The following ORC1 variants were observed in gnomAD, a reference collection of about 807,000 sequenced individuals.
The protein encoded by ORC1 is origin recognition complex, subunit 1 homolog.
A neutral mutation model predicts 98.9 loss-of-function variants in ORC1; 61 were observed. The observed-to-expected ratio is 0.62, with a 90% CI of 0.50 to 0.76. ORC1 has a LOEUF of 0.76. Among genes scored for constraint, ORC1 ranks in the 30% least tolerant of loss-of-function variants. The pLI is 0.00. For synonymous variants in ORC1, 385 were observed against 406.9 expected, an observed-to-expected ratio of 0.95 and a Z score of 0.65; for missense variants, 979 against 1,072.2, an observed-to-expected ratio of 0.91 and a Z score of 1.21.
chr1:52,373,930 C>T (rs771363499), intron 16 of ORC1, among the ~76,000 whole-genome samples: 2 of 152,170 alleles, frequency 1.3e-5, no homozygotes, highest in Non-Finnish European at 2.9e-5. Flanking sequence ...TAGATTCCTA[C>T]CCTAACGTTC....
At chr1:52,388,383 G>T in intron 8 of ORC1, 59 bp downstream of exon 8, 1 of 1,394,376 alleles carries the variant, frequency 7.2e-7, no homozygotes, top group East Asian at 2.3e-5. Flanking sequence ...TTCAGCATTT[G>T]TAACTTTTAA....
upstream of ORC1, chr1:52,404,956 G>A (rs959680371): frequency 8.4e-6 from 13 of 1,552,378 alleles, no homozygotes; most frequent in South Asian, 5.9e-5. Flanking sequence ...TAGGACTAGC[G>A]ACTGGCCTCT....
intron 11 of ORC1, among the ~76,000 whole-genome samples, chr1:52,384,218 T>C (rs964222964): frequency 6.6e-5 from 10 of 152,212 alleles, no homozygotes; most frequent in African/African-American, 2.4e-4. Flanking sequence ...TGTTACCTGC[T>C]CCAAAATAAC....
chr1:52,390,371 C>T (rs900081039), intron 6 of ORC1, among the ~76,000 whole-genome samples: 1 of 152,142 alleles, frequency 6.6e-6, no homozygotes, highest in African/African-American at 2.4e-5. Flanking sequence ...TGGAACAGAA[C>T]GGAGAACCCA....
chr1:52,408,839 A>G (rs1159603539), upstream of ORC1: 3 of 990,046 alleles, frequency 3.0e-6, no homozygotes, highest in East Asian at 8.0e-5. Context: ...CTTGTCCCTC[A>G]TGGGAGTTTT....
intron 14 of ORC1, among the ~76,000 whole-genome samples, chr1:52,376,638 T>C (rs976618467): frequency 2.6e-5 from 4 of 151,998 alleles, no homozygotes; most frequent in African/African-American, 9.7e-5. Flanking sequence ...TCTCCTCCCC[T>C]CCCATTACCA....
intron 16 of ORC1, 48 bp downstream of exon 16, chr1:52,374,762 A>G (rs1221107604): frequency 1.3e-5 from 17 of 1,289,692 alleles, no homozygotes; most frequent in Non-Finnish European, 1.9e-5. Flanking sequence ...TGTATTTTAA[A>G]AGCGTAAGTC....
intron 6 of ORC1, among the ~76,000 whole-genome samples, chr1:52,391,446 A>T (rs932851047): frequency 6.6e-6 from 1 of 152,212 alleles, no homozygotes; most frequent in Non-Finnish European, 1.5e-5. Context: ...GGACCTAATG[A>T]TACTAAAAAG....
At position 52,383,551 on chromosome 1, in the gene ORC1, G is replaced by A. The variant is rs779245421; in HGVS notation, c.1882C>T (p.His628Tyr). 1.7e-5 allele frequency: 28 copies of A among 1,613,964 alleles called. No homozygotes were observed. Among genetic ancestry groups the A allele is most frequent in the Non-Finnish European group, 2.1e-5 (25 of 1,180,048 alleles). Residue 628 changes from histidine (H) to tyrosine (Y), a missense_variant, in exon 13 of 17, where the codon CAC becomes TAC. Transcript: ENST00000371568. ...AGATTGTACATTATGTCTTGTTTGTGAGTCCACAGAAGGTCGAGCTGCCAG... is the reference window on the plus strand; with the variant it reads ...AGATTGTACATTATGTCTTGTTTGTAAGTCCACAGAAGGTCGAGCTGCCAG... The part of the protein sequence containing the change: ...LVDELDLLWT[H>Y]KQDIMYNLFD...
chr1:52,383,362 C>T (rs1647097321), intron 13 of ORC1, 58 bp downstream of exon 13: 1 of 1,606,788 alleles, frequency 6.2e-7, no homozygotes, highest in Non-Finnish European at 8.5e-7. Flanking sequence ...TTTTGCAGAA[C>T]TTCTTGGCCA....
Position 52,373,102 on chromosome 1 carries a change from A to AGCC in ORC1, c.*76_*78dup. 6.9e-7 allele frequency: 1 copy of AGCC among 1,458,410 alleles called. No homozygotes were observed. Among genetic ancestry groups the AGCC allele is most frequent in the Non-Finnish European group, 9.6e-7 (1 of 1,041,202 alleles). The allele number at this position is 1,458,410 out of a possible 1,614,324, so 90.3% of individuals were successfully genotyped here. A position where few individuals can be genotyped will look rare whatever the true frequency, so the allele number is the denominator to read the frequency against. ...AGCCATGATCGTGCCACTGCACTCC[A>AGCC]GCCTGGGCGACAGAGCAAGACCCTG... On this transcript the variant is annotated 3_prime_UTR_variant, in exon 17 of 17. Coordinates refer to ENST00000371568, the MANE Select transcript of ORC1 (RefSeq NM_004153.4).
Position 52,376,949 on chromosome 1 carries a change from G to A in ORC1, c.2134-1350C>T, listed in dbSNP as rs866379776. On this transcript the variant is annotated intron_variant, in intron 14 of 16. Coordinates refer to ENST00000371568, the MANE Select transcript of ORC1 (RefSeq NM_004153.4). ...GTGAGTGAGACCCATCACGCAGAACGGATGGCAGGAAAAACGGCCTACTTG... is the reference window on the plus strand; with the variant it reads ...GTGAGTGAGACCCATCACGCAGAACAGATGGCAGGAAAAACGGCCTACTTG... Among the ~76,000 whole-genome samples the A allele has an allele frequency of 1.2e-4, 19 of 152,298 alleles. No homozygotes were observed. The East Asian group carries it at 1.9e-3, about 16-fold the overall frequency.
intron 3 of ORC1, 36 bp downstream of exon 3, chr1:52,401,326 A>G: frequency 6.2e-7 from 1 of 1,612,894 alleles, no homozygotes. Context: ...ATCATTCATG[A>G]CAAGGAATGG....
At chr1:52,377,701 A>C (rs1362740847) in intron 14 of ORC1, among the ~76,000 whole-genome samples, 1 of 139,016 alleles carries the variant, frequency 7.2e-6, no homozygotes, top group Non-Finnish European at 1.5e-5. Flanking sequence ...TGCCCCTAGA[A>C]GCAAAAAAAA....
upstream of ORC1, chr1:52,404,568 A>T: frequency 2.1e-5 from 12 of 569,810 alleles, no homozygotes; most frequent in South Asian, 2.6e-4. Flanking sequence ...GCCATCATTG[A>T]TTCGATAGGC....
In ORC1 at chr1:52,373,221, A is replaced by G. The variant is rs1167577975; in HGVS notation, c.2546T>C (p.Val849Ala). 2 of 1,614,072 alleles carry G rather than the reference A, an allele frequency of 1.2e-6. No homozygotes were observed. Among genetic ancestry groups the G allele is most frequent in the East Asian group, 2.2e-5 (1 of 44,894 alleles). Residue 849 changes from valine to alanine, a missense_variant, in exon 17 of 17, where the codon GTC becomes GCC. Coordinates refer to ENST00000371568, the MANE Select transcript of ORC1 (RefSeq NM_004153.4). ...CGCATACAGCACATCATCCTGGCTGACGTTGAGCCGCACCCGAAGGAGCAG... is the reference window on the plus strand; with the variant it reads ...CGCATACAGCACATCATCCTGGCTGGCGTTGAGCCGCACCCGAAGGAGCAG... ...NDLLLRVRLN[V>A]SQDDVLYALK...
chr1:52,397,922 C>T (rs758864405), intron 3 of ORC1, 59 bp from the exon 4 acceptor site: 5 of 1,460,582 alleles, frequency 3.4e-6, no homozygotes, highest in Non-Finnish European at 4.8e-6. Flanking sequence ...CTTTACTGAG[C>T]AATTCCTATG....
Position 52,385,227 on chromosome 1 carries a change from C to A in ORC1, c.1517G>T (p.Cys506Phe), listed in dbSNP as rs147904927. 1 of 1,613,868 alleles carries A rather than the reference C, an allele frequency of 6.2e-7. No homozygotes were observed. Among genetic ancestry groups the A allele is most frequent in the Non-Finnish European group, 8.5e-7 (1 of 1,179,742 alleles). ...GATGTCTTGGAATTCCTGTTCCCGA[C>A]AGGGAAGAGACTCAGGTACAGCAGA... is the stretch of plus-strand genomic sequence containing the variant. Reference protein sequence around the residue: ...HVSAVPESLPCREQEFQDIYN... With the variant: ...HVSAVPESLPFREQEFQDIYN... Residue 506 changes from cysteine to phenylalanine, a missense_variant, in exon 10 of 17, where the codon TGT (cysteine) becomes TTT (phenylalanine). Cys to Phe is a radical substitution (Grantham distance 205). Coordinates refer to ENST00000371568, the MANE Select transcript of ORC1 (RefSeq NM_004153.4).
intron 13 of ORC1, among the ~76,000 whole-genome samples, chr1:52,382,286 G>A (rs1647081752): frequency 6.6e-6 from 1 of 151,738 alleles, no homozygotes; most frequent in East Asian, 1.9e-4. Flanking sequence ...GCCTAAACTG[G>A]GATTATAGGC....
Sources: gnomAD v4.1 joint callset for allele counts (sites outside exome capture counted in the v4.1 genomes callset) on GRCh38, gnomAD v4.1.1 for gene constraint, MANE v1.5 for transcripts, NCBI Gene and HGNC (gene_info 2026-07-23, HGNC 2026-07-21) for gene names.